Variants in PFKFB1 observed in about 807,000 individuals in gnomAD.
The protein encoded by PFKFB1 is 6-phosphofructo-2-kinase/fructose-2,6-biphosphatase 1.
Under a neutral mutation model 46.4 loss-of-function variants are expected in PFKFB1, and 34 were observed. That is an observed-to-expected ratio of 0.73 (90% CI 0.56 to 0.98). The LOEUF (loss-of-function observed/expected upper bound fraction) is 0.98, where lower values mean the gene tolerates loss of function less well. Among genes scored for constraint, PFKFB1 ranks in the 50% least tolerant of loss-of-function variants. The pLI, the probability that PFKFB1 is intolerant of heterozygous loss-of-function variation, is 0.00. For missense variants in PFKFB1, 393 were observed against 376.3 expected (o/e 1.04, Z -0.37); for synonymous variants, 119 against 133.8 (o/e 0.89, Z 0.76).
In PFKFB1 at chrX:54,949,211, G is replaced by A; in HGVS notation, c.857C>T (p.Ala286Val). 2 of 1,201,358 alleles carry A rather than the reference G, an allele frequency of 1.7e-6. No individual in the cohort carries two copies. The highest frequency in any genetic ancestry group is 2.2e-6 in the Non-Finnish European group (2 of 889,043). ...CTGGGACTGAATGAAGTTGGCCAGG[G>A]CATAGGCATACTAGGATGTGGGGAT... ...LSVRGKQYAYALANFIQSQGI... is the reference protein window; with the variant it reads ...LSVRGKQYAYVLANFIQSQGI... The change falls in exon 9 of 14, where the codon GCC becomes GTC. Residue 286 changes from alanine to valine, a missense_variant. By Grantham distance (64) the Ala-to-Val change is moderately conservative. Transcript: ENST00000375006.
intron 4 of PFKFB1, among the ~76,000 whole-genome samples, chrX:54,959,544 C>T (rs1046083407): frequency 2.7e-5 from 3 of 111,624 alleles, no homozygotes; most frequent in Non-Finnish European, 3.8e-5. Flanking sequence ...TGGTTAAGAG[C>T]GGGGATTCTG....
At chrX:54,953,766 C>T (rs984319746) in intron 7 of PFKFB1, among the ~76,000 whole-genome samples, 1 of 111,898 alleles carries the variant, frequency 8.9e-6, no homozygotes, top group Non-Finnish European at 1.9e-5. Flanking sequence ...GCCCAGTTGG[C>T]CTCACTTTAT....
chrX:54,959,151 G>A (rs747687279), intron 4 of PFKFB1, among the ~76,000 whole-genome samples: 1 of 110,841 alleles, frequency 9.0e-6, no homozygotes, highest in South Asian at 4.0e-4. Flanking sequence ...GTGTAATAAG[G>A]CAAGAGGAAA....
At chrX:54,984,180 A>G (rs1397375063) in intron 1 of PFKFB1, among the ~76,000 whole-genome samples, 1 of 112,223 alleles carries the variant, frequency 8.9e-6, no homozygotes, top group Non-Finnish European at 1.9e-5. Context: ...TTGACATAGT[A>G]CTAGAAGTTC....
chrX:54,949,245 G>A (rs1308848618), intron 8 of PFKFB1, 24 bp from the exon 9 acceptor site: 97 of 1,154,223 alleles, frequency 8.4e-5, no homozygotes, highest in Non-Finnish European at 1.0e-4. Flanking sequence ...ATGCAGAGGA[G>A]GAGAGAAGGG....
At chrX:54,960,748 C>G in intron 3 of PFKFB1, 76 bp downstream of exon 3, 1 of 646,700 alleles carries the variant, frequency 1.5e-6, no homozygotes, top group South Asian at 2.3e-5. Context: ...GATTATTCTG[C>G]CCTACTCCCC....
chrX:54,952,141 C>A (rs1346230683), intron 7 of PFKFB1, 29 bp from the exon 8 acceptor site: 6 of 1,130,871 alleles, frequency 5.3e-6, no homozygotes, highest in East Asian at 3.0e-5. Context: ...GGAGCAAGGG[C>A]AGCTCAGGGG....
At chrX:54,977,772 T>C (rs977642299) in intron 1 of PFKFB1, among the ~76,000 whole-genome samples, 41 of 110,511 alleles carry the variant, frequency 3.7e-4, no homozygotes, top group Admixed American at 3.4e-3. Context: ...TGTTATCTTG[T>C]AAAAAAGTAA....
At chrX:54,964,739 T>C (rs1934426647) in intron 1 of PFKFB1, among the ~76,000 whole-genome samples, 2 of 111,534 alleles carry the variant, frequency 1.8e-5, no homozygotes, top group Admixed American at 9.5e-5. Context: ...TCCATCTTTA[T>C]CAGATAGGAA....
intron 1 of PFKFB1, among the ~76,000 whole-genome samples, chrX:54,990,116 G>C (rs1043116188): frequency 1.8e-5 from 2 of 110,837 alleles, no homozygotes; most frequent in African/African-American, 6.6e-5. Context: ...GCAACTCTAT[G>C]AGTTAAAAAA....
chrX:54,950,576 C>T (rs1035653334), intron 8 of PFKFB1, among the ~76,000 whole-genome samples: 6 of 112,156 alleles, frequency 5.3e-5, no homozygotes, highest in African/African-American at 1.9e-4. Flanking sequence ...TGCAGGGAGG[C>T]GTGCCCTGTG....
At chrX:54,957,426 CTG>C (rs1364797915) in intron 6 of PFKFB1, among the ~76,000 whole-genome samples, 2 of 110,642 alleles carry the variant, frequency 1.8e-5, no homozygotes, top group Non-Finnish European at 1.9e-5. Flanking sequence ...CCTTACTAGA[CTG>C]TGCGCTCAAG....
At chrX:54,979,965 G>A (rs1934934435) in intron 1 of PFKFB1, among the ~76,000 whole-genome samples, 1 of 111,522 alleles carries the variant, frequency 9.0e-6, no homozygotes, top group Non-Finnish European at 1.9e-5. Context: ...AGAAGTTGAG[G>A]ATGATCTCTG....
intron 7 of PFKFB1, among the ~76,000 whole-genome samples, chrX:54,954,343 T>C (rs1368295889): frequency 1.8e-5 from 2 of 110,110 alleles, no homozygotes; most frequent in Non-Finnish European, 1.9e-5. Context: ...GGAAACCCTA[T>C]CTCTAATAAA....
chrX:54,992,390 T>C (rs1301199746), intron 1 of PFKFB1, among the ~76,000 whole-genome samples: 2 of 112,226 alleles, frequency 1.8e-5, no homozygotes, highest in East Asian at 2.8e-4. Flanking sequence ...TACACTGTTA[T>C]TAACTTCCTT....
intron 7 of PFKFB1, 43 bp downstream of exon 7, chrX:54,956,110 G>A (rs745515986): frequency 2.3e-4 from 222 of 946,584 alleles, no homozygotes; most frequent in Non-Finnish European, 3.2e-4. Context: ...TATCAAAACT[G>A]GGTGAAAGAT....
upstream of PFKFB1, among the ~76,000 whole-genome samples, chrX:54,996,844 C>T (rs565322846): frequency 9.0e-6 from 1 of 111,571 alleles, no homozygotes; most frequent in Non-Finnish European, 1.9e-5. Flanking sequence ...AAAATCTGAT[C>T]CACTTTTCAA....
intron 1 of PFKFB1, among the ~76,000 whole-genome samples, chrX:54,965,078 T>C (rs896874675): frequency 2.2e-4 from 24 of 111,272 alleles, no homozygotes; most frequent in Non-Finnish European, 4.2e-4. Context: ...CATATACGTA[T>C]TTAGAACACA....
rs188828199 is a variant in PFKFB1 at position 54,936,471 on chromosome X, G to A, written c.1228+1124C>T. Among the ~76,000 whole-genome samples the A allele has an allele frequency of 6.5e-4, 73 of 111,614 alleles. 1 individual carries two copies. Among genetic ancestry groups the A allele is most frequent in the African/African-American group, 2.3e-3 (70 of 30,748 alleles). On this transcript the variant is annotated intron_variant, in intron 11 of 13. Transcript: ENST00000375006. The stretch of plus-strand genomic sequence containing the variant: ...AAGCACTCCACACATGTCTGAGACG[G>A]GAAGTCCTCTGGCATGTACCTGGGA...
Sources: allele counts gnomAD v4.1 joint callset (sites outside exome capture counted in the v4.1 genomes callset), GRCh38; gene constraint gnomAD v4.1.1; transcripts MANE v1.5; gene names NCBI Gene and HGNC (gene_info 2026-07-23, HGNC 2026-07-21).